ETS1: variants seen among roughly 807,000 people sequenced by gnomAD.
ETS1 encodes the protein ETS proto-oncogene 1, transcription factor.
Under a neutral mutation model 58.6 loss-of-function variants are expected in ETS1, and 15 were observed. That is an observed-to-expected ratio of 0.26 (90% confidence interval 0.17 to 0.39). ETS1 has a LOEUF of 0.39. Ranked by LOEUF, ETS1 falls within the 10% of genes least tolerant of loss-of-function variation. ETS1 has a pLI of 1.00. For missense variants in ETS1, 417 were observed against 610.5 expected (o/e 0.68, Z 3.34); for synonymous variants, 214 against 218.2 (o/e 0.98, Z 0.17).
rs959091286 is a variant in ETS1 at position 128,462,631 on chromosome 11, C to A, written c.1243-55G>T. Reference sequence around the variant, plus strand: ...AGTAGGCAAAAATCTACAAGACAGGCCAAATATATATGTTTCTATGCCTAT... The same window carrying A: ...AGTAGGCAAAAATCTACAAGACAGGACAAATATATATGTTTCTATGCCTAT... On this transcript the variant is annotated intron_variant, in intron 9 of 9. Transcript: ENST00000392668. The A allele has an allele frequency of 2.9e-6, 4 of 1,357,786 alleles. No homozygotes were observed. The African/African-American group carries it at 4.3e-5, about 15-fold the overall frequency. The allele number at this position is 1,357,786 out of a possible 1,614,324, so 84.1% of individuals were successfully genotyped here.
At chr11:128,561,659 T>G (rs1864406999) in intron 2 of ETS1, among the ~76,000 whole-genome samples, 1 of 152,154 alleles carries the variant, frequency 6.6e-6, no homozygotes, top group South Asian at 2.1e-4. Flanking sequence ...TGATTGGTCA[T>G]AGGAGATGAA....
intron 3 of ETS1, among the ~76,000 whole-genome samples, chr11:128,555,580 T>A (rs760133234): frequency 1.7e-4 from 26 of 151,892 alleles, no homozygotes; most frequent in Non-Finnish European, 3.7e-4. Context: ...ATTTCAAAAT[T>A]CCCAAATTCA....
chr11:128,489,105 G>A (rs1803000209), intron 5 of ETS1, among the ~76,000 whole-genome samples, 185 bp downstream of exon 5: 1 of 152,222 alleles, frequency 6.6e-6, no homozygotes, highest in Middle Eastern at 3.4e-3. Context: ...AGAAGAAAAA[G>A]AAATTACACT....
chr11:128,504,301 T>C (rs1314794888), intron 3 of ETS1, among the ~76,000 whole-genome samples: 1 of 152,228 alleles, frequency 6.6e-6, no homozygotes, highest in Non-Finnish European at 1.5e-5. Context: ...CCGAGTCCTC[T>C]CCTGGTGTGT....
intron 8 of ETS1, among the ~76,000 whole-genome samples, chr11:128,467,625 CAGAAAA>C (rs1266741553): frequency 6.6e-6 from 1 of 152,098 alleles, no homozygotes; most frequent in Non-Finnish European, 1.5e-5. Flanking sequence ...TCCCCTAGAG[CAGAAAA>C]CGGTACTAAT....
intron 3 of ETS1, among the ~76,000 whole-genome samples, chr11:128,524,455 G>A (rs1591641904): frequency 6.6e-6 from 1 of 152,182 alleles, no homozygotes; most frequent in Non-Finnish European, 1.5e-5. Context: ...GAATATTTAT[G>A]CCATCAGAAG....
chr11:128,463,120 A>G lies in ETS1; in HGVS notation c.1242+389T>C, dbSNP rs1361479377. 1.4e-5 allele frequency among the ~76,000 whole-genome samples: 2 copies of G among 140,520 alleles called. No individual in the cohort carries two copies. The highest frequency in any genetic ancestry group is 2.6e-5 in the African/African-American group (1 of 37,748). 92.2% of individuals were successfully genotyped at this position (140,520 alleles called of 152,430 possible). ...ATGGCACGGAACCACTACTCCATAA[A>G]CATGTGTGTAATGAAATAAGAAACT... On this transcript the variant is annotated intron_variant, in intron 9 of 9. Transcript: ENST00000392668. This position sits in a 1 kb window ranked among gnomAD's most constrained non-coding sequence, Gnocchi z 4.1.
Position 128,573,112 on chromosome 11 carries a change from A to G in ETS1, c.19T>C (p.Ser7Pro). The part of the protein sequence containing the change: MSYFVD[S>P]AGSSPVPYSA... Reference sequence around the variant, plus strand: ...TAAGGGACGGGGCTGCTCCCAGCAGAATCCACAAAGTAGCTCATTCTGCTC... The same window carrying G: ...TAAGGGACGGGGCTGCTCCCAGCAGGATCCACAAAGTAGCTCATTCTGCTC... The change falls in exon 2 of 10, where the codon TCT (serine) becomes CCT (proline). Residue 7 changes from serine (S) to proline (P), a missense_variant. Transcript: ENST00000392668. The G allele has an allele frequency of 1.9e-6, 3 of 1,597,858 alleles. No homozygotes were observed. Among genetic ancestry groups the G allele is most frequent in the Non-Finnish European group, 2.6e-6 (3 of 1,172,194 alleles).
intron 1 of ETS1, among the ~76,000 whole-genome samples, chr11:128,584,705 A>G (rs1226496065): frequency 2.0e-5 from 3 of 152,102 alleles, no homozygotes; most frequent in Non-Finnish European, 4.4e-5. Context: ...AGGAAGCAAA[A>G]AGTAAGTTAT....
chr11:128,559,976 C>G (rs1864378689), intron 2 of ETS1, among the ~76,000 whole-genome samples: 1 of 152,190 alleles, frequency 6.6e-6, no homozygotes, highest in South Asian at 2.1e-4. Flanking sequence ...GCAACACTCC[C>G]CATCTCTGCC....
chr11:128,553,071 T>G (rs1298379188), intron 3 of ETS1, among the ~76,000 whole-genome samples: 1 of 152,166 alleles, frequency 6.6e-6, no homozygotes, highest in African/African-American at 2.4e-5. Context: ...ATTTCAGCCG[T>G]GTCTTGTGTA....
chr11:128,544,268 A>G (rs1199255470), intron 3 of ETS1, among the ~76,000 whole-genome samples: 1 of 149,934 alleles, frequency 6.7e-6, no homozygotes, highest in Non-Finnish European at 1.5e-5. Context: ...TGTTTCTTCA[A>G]CTGCTTTAAA....
chr11:128,518,307 A>G (rs1441182713), intron 3 of ETS1, among the ~76,000 whole-genome samples: 1 of 152,246 alleles, frequency 6.6e-6, no homozygotes, highest in Non-Finnish European at 1.5e-5. Context: ...CAGGAGGTAC[A>G]TAACACAGCC....
At chr11:128,529,574 T>C (rs889372641) in intron 3 of ETS1, among the ~76,000 whole-genome samples, 1 of 152,178 alleles carries the variant, frequency 6.6e-6, no homozygotes, top group African/African-American at 2.4e-5. Flanking sequence ...AAGGAAATAT[T>C]GGATTTGGTG....
intron 8 of ETS1, among the ~76,000 whole-genome samples, chr11:128,479,755 A>G (rs1862430605): frequency 6.6e-6 from 1 of 152,132 alleles, no homozygotes; most frequent in African/African-American, 2.4e-5. Context: ...ACCGTGCTGC[A>G]GAAGAGTCCA....
rs61909072 is a variant in ETS1, at chr11:128,480,176, C to T, written c.1123+15G>A. The T allele has an allele frequency of 0.14, 220,487 of 1,611,676 alleles. 16,855 individuals carry two copies. Among genetic ancestry groups the T allele is most frequent in the Non-Finnish European group, 0.16 (185,838 of 1,178,882 alleles). On this transcript the variant is annotated intron_variant, in intron 8 of 9. Coordinates refer to ENST00000392668, the MANE Select transcript of ETS1 (RefSeq NM_001143820.2). ...GTGCAGATGGAGTTGGCCTAAGCAG[C>T]GGGAGGGCGCCTACCTGTGTAGCCA...
intron 1 of ETS1, among the ~76,000 whole-genome samples, chr11:128,582,855 G>T (rs1386353273): frequency 1.3e-5 from 2 of 151,892 alleles, no homozygotes; most frequent in Non-Finnish European, 2.9e-5. Context: ...TTGATATAAT[G>T]TCGATCTTTT....
chr11:128,559,586 A>G (rs2135561234), intron 2 of ETS1, among the ~76,000 whole-genome samples: 1 of 152,300 alleles, frequency 6.6e-6, no homozygotes, highest in Non-Finnish European at 1.5e-5. Flanking sequence ...TAAGAATGAG[A>G]AGGCAATAAT....
intron 7 of ETS1, among the ~76,000 whole-genome samples, 156 bp from the exon 8 acceptor site, chr11:128,480,607 G>A (rs925969004): frequency 7.2e-5 from 11 of 152,152 alleles, no homozygotes; most frequent in African/African-American, 1.9e-4. Context: ...AGCTTCAGGG[G>A]TCATGGGTTT....
Sources: allele counts gnomAD v4.1 joint callset (sites outside exome capture counted in the v4.1 genomes callset), GRCh38; gene constraint gnomAD v4.1.1; non-coding constraint Gnocchi (gnomAD v3.1); transcripts MANE v1.5; gene names NCBI Gene and HGNC (gene_info 2026-07-23, HGNC 2026-07-21).